Variants in TAFA1 observed in about 807,000 individuals in gnomAD.
The protein encoded by TAFA1 is chemokine-like protein TAFA-1.
TAFA1 carries 4 observed loss-of-function variants against 18.5 expected under a neutral mutation model. The observed-to-expected ratio is 0.22, with a 90% CI of 0.11 to 0.49. The LOEUF is 0.49. Ranked by LOEUF, TAFA1 falls within the 20% of genes least tolerant of loss-of-function variation. TAFA1 has a pLI of 0.98. For synonymous variants in TAFA1, 56 were observed against 55.2 expected, an observed-to-expected ratio of 1.01 and a Z score of -0.06; for missense variants, 147 against 169.0, an observed-to-expected ratio of 0.87 and a Z score of 0.72.
chr3:68,412,514 T>G (rs561519587), intron 2 of TAFA1, among the ~76,000 whole-genome samples: 3 of 152,282 alleles, frequency 2.0e-5, no homozygotes, highest in East Asian at 3.9e-4. Context: ...TTCCTAAGGC[T>G]ATCCCTCCCC....
chr3:68,166,664 C>G (rs529325292), intron 2 of TAFA1, among the ~76,000 whole-genome samples: 1 of 152,238 alleles, frequency 6.6e-6, no homozygotes, highest in Non-Finnish European at 1.5e-5. Flanking sequence ...ACACTCCTCC[C>G]TTGTGAAGCG....
chr3:68,185,584 A>G (rs1181077027), intron 2 of TAFA1, among the ~76,000 whole-genome samples: 1 of 152,104 alleles, frequency 6.6e-6, no homozygotes, highest in East Asian at 1.9e-4. Context: ...ATGCAACCAC[A>G]GTATCATCTA....
At chr3:68,158,439 G>A (rs1268385624) in intron 2 of TAFA1, among the ~76,000 whole-genome samples, 2 of 151,870 alleles carry the variant, frequency 1.3e-5, no homozygotes, top group Non-Finnish European at 2.9e-5. Flanking sequence ...TCATGAAGCT[G>A]ATATACATTT....
the TAFA1 span, among the ~76,000 whole-genome samples, chr3:67,999,092 C>T: frequency 3.3e-5 from 5 of 152,276 alleles, no homozygotes; most frequent in South Asian, 8.3e-4. Context: ...TAGCTATCAA[C>T]CAGATGTGGC....
intron 2 of TAFA1, among the ~76,000 whole-genome samples, chr3:68,120,202 TTTC>T (rs1236144265): frequency 1.0e-5 from 1 of 99,984 alleles, no homozygotes; most frequent in East Asian, 2.6e-4. Flanking sequence ...TCTTTCTTTC[TTTC>T]TTTCTTTCTT....
At chr3:68,222,243 T>C (rs1559564138) in intron 2 of TAFA1, among the ~76,000 whole-genome samples, 1 of 152,222 alleles carries the variant, frequency 6.6e-6, no homozygotes, top group Non-Finnish European at 1.5e-5. Flanking sequence ...CTTCATCTGA[T>C]GTCATTGCCG....
chr3:68,025,659 C>T (rs1309555221), intron 2 of TAFA1, among the ~76,000 whole-genome samples: 6 of 152,150 alleles, frequency 3.9e-5, no homozygotes. Context: ...TCCTTGCTGG[C>T]CCTTCAAAGA....
chr3:68,467,651 G>A (rs900485858), intron 3 of TAFA1, among the ~76,000 whole-genome samples: 4 of 152,186 alleles, frequency 2.6e-5, no homozygotes, highest in African/African-American at 9.7e-5. Flanking sequence ...CAGGGGTAAG[G>A]GGAGATTCTG....
intron 2 of TAFA1, among the ~76,000 whole-genome samples, chr3:68,048,355 G>T (rs2064420135): frequency 6.6e-6 from 1 of 151,860 alleles, no homozygotes. Context: ...TATTCATGGG[G>T]TACATGAGAT....
At position 68,082,032 on chromosome 3, in the gene TAFA1, C is replaced by T. The variant is rs145349482; in HGVS notation, c.118+75288C>T. 1.7e-3 allele frequency among the ~76,000 whole-genome samples: 265 copies of T among 152,300 alleles called. 2 individuals carry two copies. Among genetic ancestry groups the T allele is most frequent in the African/African-American group, 5.5e-3 (230 of 41,568 alleles). On this transcript the variant is annotated intron_variant, in intron 2 of 4. Coordinates refer to ENST00000478136, the MANE Select transcript of TAFA1 (RefSeq NM_213609.4). ...ATCTCGTGGTGCGCTGTTTTTTAAG[C>T]CCATTGGAAAAGCGCAGTACTCGGG...
intron 2 of TAFA1, among the ~76,000 whole-genome samples, chr3:68,313,063 T>C (rs1404266178): frequency 6.6e-6 from 1 of 152,038 alleles, no homozygotes. Context: ...TACACTATCA[T>C]GAGAAAAGAA....
intron 2 of TAFA1, among the ~76,000 whole-genome samples, chr3:68,029,383 T>G (rs1704884275): frequency 6.6e-6 from 1 of 152,218 alleles, no homozygotes; most frequent in African/African-American, 2.4e-5. Flanking sequence ...ATGCTCAATT[T>G]TTCTTGAAAA....
intron 2 of TAFA1, among the ~76,000 whole-genome samples, chr3:68,113,266 C>T (rs2065281557): frequency 6.6e-6 from 1 of 152,148 alleles, no homozygotes; most frequent in African/African-American, 2.4e-5. Context: ...AACATGTACA[C>T]ATAAGGACAC....
chr3:68,384,921 C>T (rs547307575), intron 2 of TAFA1, among the ~76,000 whole-genome samples: 2 of 152,010 alleles, frequency 1.3e-5, no homozygotes, highest in Non-Finnish European at 2.9e-5. Context: ...ATGTAATGCC[C>T]TTCTTTGTCT....
chr3:68,004,868 G>A (rs147580322), intron 1 of TAFA1, among the ~76,000 whole-genome samples, 166 bp downstream of exon 1: 1 of 152,176 alleles, frequency 6.6e-6, no homozygotes, highest in Non-Finnish European at 1.5e-5. Flanking sequence ...ACATGCAGGA[G>A]GCTTGGAAGT....
At chr3:68,414,854 T>G (rs1217472209) in intron 2 of TAFA1, among the ~76,000 whole-genome samples, 1 of 152,216 alleles carries the variant, frequency 6.6e-6, no homozygotes, top group Non-Finnish European at 1.5e-5. Context: ...AGAGCTTTCA[T>G]GTGCCTTGTG....
chr3:68,166,551 T>C (rs1274838629), intron 2 of TAFA1, among the ~76,000 whole-genome samples: 1 of 152,026 alleles, frequency 6.6e-6, no homozygotes, highest in African/African-American at 2.4e-5. Context: ...TGTTGCACAG[T>C]GGATAAGAAG....
intron 2 of TAFA1, among the ~76,000 whole-genome samples, chr3:68,395,394 G>C (rs1191770547): frequency 6.6e-6 from 1 of 152,142 alleles, no homozygotes; most frequent in East Asian, 1.9e-4. Flanking sequence ...CATTCCTCAA[G>C]GATCTAGAAC....
At chr3:68,117,749 GT>G (rs2065341262) in intron 2 of TAFA1, among the ~76,000 whole-genome samples, 1 of 152,162 alleles carries the variant, frequency 6.6e-6, no homozygotes, top group African/African-American at 2.4e-5. Context: ...TAAGTGTTAT[GT>G]CTTAAAAATT....
Sources: allele counts gnomAD v4.1 joint callset (sites outside exome capture counted in the v4.1 genomes callset), GRCh38; gene constraint gnomAD v4.1.1; transcripts MANE v1.5; gene names NCBI Gene and HGNC (gene_info 2026-07-23, HGNC 2026-07-21).